Variants in PTPRD observed in about 807,000 individuals in gnomAD.
PTPRD encodes the protein receptor-type tyrosine-protein phosphatase delta.
Under a neutral mutation model 214.5 loss-of-function variants are expected in PTPRD, and 34 were observed. That is an observed-to-expected ratio of 0.16 (90% CI 0.12 to 0.21). PTPRD has a LOEUF of 0.21. PTPRD is among the 10% of genes least tolerant of loss of function. The pLI, the probability that PTPRD is intolerant of heterozygous loss-of-function variation, is 1.00. For missense variants in PTPRD, 2,545 were observed against 2,398.7 expected, an observed-to-expected ratio of 1.06 and a Z score of -1.27; for synonymous variants, 1,128 against 845.7, an observed-to-expected ratio of 1.33 and a Z score of -5.79.
chr9:8,606,742 G>C (rs1484266576), intron 14 of PTPRD, among the ~76,000 whole-genome samples: 1 of 152,174 alleles, frequency 6.6e-6, no homozygotes, highest in East Asian at 1.9e-4. Context: ...GCTAGAGGAA[G>C]GTCATTTTTA....
At chr9:8,925,331 A>T (rs2098868339) in intron 11 of PTPRD, among the ~76,000 whole-genome samples, 1 of 151,972 alleles carries the variant, frequency 6.6e-6, no homozygotes, top group Non-Finnish European at 1.5e-5. Context: ...GAGGCAGGGG[A>T]TGCAGGGGAA....
At chr9:10,343,094 A>G (rs1401534564) in intron 2 of PTPRD, among the ~76,000 whole-genome samples, 3 of 152,062 alleles carry the variant, frequency 2.0e-5, no homozygotes, top group African/African-American at 7.2e-5. Context: ...CCTCATTTAC[A>G]TTAGGTATTT....
At chr9:8,867,040 A>G (rs986725776) in intron 11 of PTPRD, among the ~76,000 whole-genome samples, 3 of 152,172 alleles carry the variant, frequency 2.0e-5, no homozygotes, top group Admixed American at 2.0e-4. Flanking sequence ...CTCTTTATTT[A>G]ATCACATCTT....
chr9:9,477,162 C>T (rs955981426), intron 8 of PTPRD, among the ~76,000 whole-genome samples: 2 of 152,196 alleles, frequency 1.3e-5, no homozygotes, highest in South Asian at 4.1e-4. Context: ...AGTATTTATA[C>T]CCAGGACTGT....
rs558017338 is a variant in PTPRD, at chr9:8,613,962, T to C, written c.352+19355A>G. ...CGCTATTCTTGCAGTTTTTTTTTTT[T>C]CTATAAAATAGTAAAGTTGTGTCCT... is the stretch of plus-strand genomic sequence containing the variant. On this transcript the variant is annotated intron_variant, in intron 14 of 45. Transcript: ENST00000381196. Among the ~76,000 whole-genome samples, 3 of 152,152 alleles carry C rather than the reference T, an allele frequency of 2.0e-5. No individual in the cohort carries two copies. The South Asian group carries it at 6.2e-4, about 32-fold the overall frequency.
intron 2 of PTPRD, among the ~76,000 whole-genome samples, chr9:10,582,873 G>A (rs12683379): frequency 0.16 from 23,685 of 152,170 alleles, 2,207 homozygotes; most frequent in Non-Finnish European, 0.21. Context: ...GACAAAGAAG[G>A]GTTTCTTATT....
At chr9:8,463,954 CAT>C (rs1223213724) in intron 32 of PTPRD, among the ~76,000 whole-genome samples, 1 of 151,812 alleles carries the variant, frequency 6.6e-6, no homozygotes, top group Non-Finnish European at 1.5e-5. Flanking sequence ...AAATAAATAT[CAT>C]AGATATTTGA....
chr9:8,510,925 A>G (rs1055032246), intron 21 of PTPRD, among the ~76,000 whole-genome samples: 4 of 152,164 alleles, frequency 2.6e-5, no homozygotes, highest in Non-Finnish European at 4.4e-5. Context: ...ACATGGGACT[A>G]CTTTCATTAT....
chr9:9,295,995 A>G (rs1447342443), intron 9 of PTPRD, among the ~76,000 whole-genome samples: 4 of 151,796 alleles, frequency 2.6e-5, no homozygotes, highest in East Asian at 1.9e-4. Context: ...ATATTACATG[A>G]TACCTCAGGT....
intron 8 of PTPRD, among the ~76,000 whole-genome samples, chr9:9,419,920 C>G (rs1165598322): frequency 6.6e-6 from 1 of 151,538 alleles, no homozygotes; most frequent in East Asian, 1.9e-4. Context: ...CAAAGTATAA[C>G]ATCAAAATAC....
intron 10 of PTPRD, among the ~76,000 whole-genome samples, chr9:9,126,648 G>A (rs536819878): frequency 3.6e-4 from 55 of 152,288 alleles, no homozygotes; most frequent in African/African-American, 1.2e-3. Flanking sequence ...AATTTTTGGT[G>A]AATCACTGAG....
Position 10,271,496 on chromosome 9 carries a change from T to G in PTPRD, c.-545+69467A>C, listed in dbSNP as rs554575501. On this transcript the variant is annotated intron_variant, in intron 3 of 45. Coordinates refer to ENST00000381196, the MANE Select transcript of PTPRD (RefSeq NM_002839.4). Reference sequence around the variant, plus strand: ...TCTCAAGTGTTTTCTTATAAATTAATAAGCATCACTAACCAATACTGATAA... The same window carrying G: ...TCTCAAGTGTTTTCTTATAAATTAAGAAGCATCACTAACCAATACTGATAA... 2.0e-5 allele frequency among the ~76,000 whole-genome samples: 3 copies of G among 151,654 alleles called. No homozygotes were observed. The East Asian group carries it at 5.8e-4, about 29-fold the overall frequency.
chr9:10,495,189 A>G (rs2132919726), intron 2 of PTPRD, among the ~76,000 whole-genome samples: 1 of 151,944 alleles, frequency 6.6e-6, no homozygotes, highest in Middle Eastern at 3.4e-3. Context: ...AATAAGAGAG[A>G]GAAATGGAGT....
At chr9:8,655,140 T>G (rs1390732585) in intron 12 of PTPRD, among the ~76,000 whole-genome samples, 1 of 152,136 alleles carries the variant, frequency 6.6e-6, no homozygotes, top group Non-Finnish European at 1.5e-5. Flanking sequence ...CTTCACAAAG[T>G]GGCAATCCAG....
chr9:9,922,334 T>C (rs2082782261), intron 5 of PTPRD, among the ~76,000 whole-genome samples: 2 of 152,128 alleles, frequency 1.3e-5, no homozygotes, highest in South Asian at 4.1e-4. Flanking sequence ...ATTAAACCTG[T>C]TAAATGTTAG....
At chr9:9,568,207 A>G (rs1435822685) in intron 8 of PTPRD, among the ~76,000 whole-genome samples, 1 of 151,912 alleles carries the variant, frequency 6.6e-6, no homozygotes, top group Non-Finnish European at 1.5e-5. Flanking sequence ...GGCTCAAAGC[A>G]TATCAACTGA....
At chr9:9,399,455 C>T (rs2069273588) in intron 8 of PTPRD, among the ~76,000 whole-genome samples, 1 of 151,992 alleles carries the variant, frequency 6.6e-6, no homozygotes, top group South Asian at 2.1e-4. Context: ...CAGTAGAATG[C>T]TACTCAGTAA....
At chr9:10,299,019 G>C (rs189081037) in intron 3 of PTPRD, among the ~76,000 whole-genome samples, 2 of 152,122 alleles carry the variant, frequency 1.3e-5, no homozygotes, top group East Asian at 1.9e-4. Context: ...ACATTATTAA[G>C]CTAATTAATG....
At chr9:10,309,768 C>T (rs979648449) in intron 3 of PTPRD, among the ~76,000 whole-genome samples, 11 of 151,806 alleles carry the variant, frequency 7.2e-5, no homozygotes, top group African/African-American at 2.2e-4. Flanking sequence ...GTGTCTGCTA[C>T]GATAAATTTG....
Sources: gnomAD v4.1 joint callset for allele counts (sites outside exome capture counted in the v4.1 genomes callset) on GRCh38, gnomAD v4.1.1 for gene constraint, MANE v1.5 for transcripts, NCBI Gene and HGNC (gene_info 2026-07-23, HGNC 2026-07-21) for gene names.